ZNF76: variants seen among roughly 807,000 people sequenced by gnomAD.
ZNF76 encodes the protein zinc finger protein 76.
Under a neutral mutation model 66.9 loss-of-function variants are expected in ZNF76, and 66 were observed. That is an observed-to-expected ratio of 0.99 (90% CI 0.81 to 1.21). The LOEUF (loss-of-function observed/expected upper bound fraction) is 1.21. Ranked by LOEUF, ZNF76 falls within the 50% of genes most tolerant of loss-of-function variation. ZNF76 has a pLI of 0.00. For synonymous variants in ZNF76, 275 were observed against 296.1 expected, an observed-to-expected ratio of 0.93 and a Z score of 0.73; for missense variants, 729 against 760.3, an observed-to-expected ratio of 0.96 and a Z score of 0.48.
At chr6:35,260,421 ATCTT>A (rs1354537847) in intron 1 of ZNF76, among the ~76,000 whole-genome samples, 1 of 152,080 alleles carries the variant, frequency 6.6e-6, no homozygotes, top group Non-Finnish European at 1.5e-5. Context: ...AACCCTCAGT[ATCTT>A]TATCCTGTAG....
chr6:35,260,429 C>T (rs1785063581), intron 1 of ZNF76, among the ~76,000 whole-genome samples: 3 of 152,174 alleles, frequency 2.0e-5, no homozygotes, highest in South Asian at 2.1e-4. Context: ...GTATCTTTAT[C>T]CTGTAGCCGT....
In ZNF76 at chr6:35,287,948, G is replaced by C. The variant is rs1442257917; in HGVS notation, c.432+103G>C. ...AGAACTTCACCTCTCAAGAGGACAAGGGCAGCCCTGTGCTTGGGCACCATG... is the reference window on the plus strand; with the variant it reads ...AGAACTTCACCTCTCAAGAGGACAACGGCAGCCCTGTGCTTGGGCACCATG... On this transcript the variant is annotated intron_variant, in intron 5 of 13. Coordinates refer to ENST00000373953, the MANE Select transcript of ZNF76 (RefSeq NM_003427.5). The surrounding 1 kb of genome is among the most constrained non-coding windows in gnomAD (Gnocchi z 4.0). 7.5e-7 allele frequency: 1 copy of C among 1,336,918 alleles called. No individual in the cohort carries two copies. Among genetic ancestry groups the C allele is most frequent in the South Asian group, 1.3e-5 (1 of 79,650 alleles). 82.8% of individuals were successfully genotyped at this position (1,336,918 alleles called of 1,614,324 possible). A position where few individuals can be genotyped will look rare whatever the true frequency, so the allele number is the denominator to read the frequency against.
chr6:35,265,382 C>T (rs1292749343), intron 1 of ZNF76, among the ~76,000 whole-genome samples: 11 of 151,964 alleles, frequency 7.2e-5, no homozygotes, highest in Non-Finnish European at 1.2e-4. Flanking sequence ...TGGCAGGCAC[C>T]TGTAATCCCA....
intron 1 of ZNF76, among the ~76,000 whole-genome samples, chr6:35,269,954 T>C (rs891852810): frequency 7.9e-5 from 12 of 152,206 alleles, no homozygotes; most frequent in African/African-American, 2.9e-4. Flanking sequence ...TTTTCGGATG[T>C]GCTTTTGCTG....
At chr6:35,271,960 C>T (rs1787134312) in intron 1 of ZNF76, among the ~76,000 whole-genome samples, 1 of 150,750 alleles carries the variant, frequency 6.6e-6, no homozygotes, top group Non-Finnish European at 1.5e-5. Context: ...GAAAAATTAG[C>T]TGGGCATGGT....
intron 1 of ZNF76, among the ~76,000 whole-genome samples, chr6:35,267,089 G>T (rs531445235): frequency 8.6e-5 from 13 of 150,724 alleles, no homozygotes; most frequent in African/African-American, 2.9e-4. Context: ...TTGAGCCACT[G>T]CATCCGGCCC....
chr6:35,291,612 C>G lies in ZNF76; in HGVS notation c.806C>G (p.Ser269Cys), dbSNP rs749867454. The G allele has an allele frequency of 2.5e-6, 4 of 1,614,088 alleles. No homozygotes were observed. The highest frequency in any genetic ancestry group is 3.4e-6 in the Non-Finnish European group (4 of 1,179,948). Residue 269 changes from serine (S) to cysteine (C), a missense_variant, in exon 9 of 14, where the codon TCT (serine) becomes TGT (cysteine). Physicochemically the swap from Ser to Cys is moderately radical, Grantham distance 112 (BLOSUM62 -1). Transcript: ENST00000373953. Reference protein sequence around the residue: ...FEGCGRSFTTSNIRKVHVRTH... With the variant: ...FEGCGRSFTTCNIRKVHVRTH... ...GGCTGTGGCCGCTCCTTCACCACAT[C>G]TAACATCCGCAAGGTACATGTGCGC...
chr6:35,262,486 T>A (rs1785401045), intron 1 of ZNF76, among the ~76,000 whole-genome samples: 1 of 152,188 alleles, frequency 6.6e-6, no homozygotes, highest in Admixed American at 6.5e-5. Flanking sequence ...TCCAGCCCTT[T>A]CCCTGTGAAC....
intron 1 of ZNF76, among the ~76,000 whole-genome samples, chr6:35,270,775 T>G (rs1427776257): frequency 6.6e-6 from 1 of 152,146 alleles, no homozygotes; most frequent in Non-Finnish European, 1.5e-5. Flanking sequence ...GCCAGGATGG[T>G]CTAGATCTCT....
At chr6:35,273,114 C>CCACTG (rs1468017015) in intron 1 of ZNF76, among the ~76,000 whole-genome samples, 4 of 151,686 alleles carry the variant, frequency 2.6e-5, no homozygotes, top group Non-Finnish European at 5.9e-5. Context: ...TGAGCTCGCA[C>CCACTG]CACTGCACTC....
At position 35,293,037 on chromosome 6, in the gene ZNF76, C is replaced by T; in HGVS notation, c.1322C>T (p.Ala441Val). Residue 441 changes from alanine to valine, a missense_variant, in exon 11 of 14, where the codon GCC becomes GTC. Transcript: ENST00000373953. ...GTGGCTCTGATCACTCAGGATGGTG[C>T]CCAGCAGGTACAGGCCCTGGAGGGC... ...PQVALITQDG[A>V]QQVSLSPEDL... is the part of the protein sequence containing the mutation. 1 of 1,613,874 alleles carries T rather than the reference C, an allele frequency of 6.2e-7. No individual in the cohort carries two copies. Among genetic ancestry groups the T allele is most frequent in the South Asian group, 1.1e-5 (1 of 91,070 alleles).
intron 1 of ZNF76, among the ~76,000 whole-genome samples, chr6:35,272,758 C>A (rs192576867): frequency 2.0e-5 from 3 of 152,362 alleles, no homozygotes; most frequent in African/African-American, 7.2e-5. Context: ...CCCACTTCAG[C>A]CCCCGAGTAG....
chr6:35,278,202 G>A (rs1428669096), intron 1 of ZNF76, among the ~76,000 whole-genome samples: 1 of 150,750 alleles, frequency 6.6e-6, no homozygotes, highest in East Asian at 2.0e-4. Context: ...GAGTTTCGCT[G>A]TTGTTGCCCA....
chr6:35,262,998 A>G (rs999596991), intron 1 of ZNF76, among the ~76,000 whole-genome samples: 1 of 152,102 alleles, frequency 6.6e-6, no homozygotes, highest in South Asian at 2.1e-4. Context: ...ATTGATTACA[A>G]TATAAATCTC....
intron 1 of ZNF76, among the ~76,000 whole-genome samples, chr6:35,273,521 A>G (rs1013907696): frequency 3.3e-5 from 5 of 151,768 alleles, no homozygotes; most frequent in Admixed American, 1.3e-4. Context: ...AATGGCTCAC[A>G]CCTATAATCC....
chr6:35,292,532 C>G lies in ZNF76; in HGVS notation c.932-22C>G. ...CCTTGCCAGCCCCAGTTCCCACCCC[C>G]CTCACAGCCCAGTGTCCCCAGGGGA... On this transcript the variant is annotated intron_variant, in intron 9 of 13. Coordinates refer to ENST00000373953, the MANE Select transcript of ZNF76 (RefSeq NM_003427.5). The surrounding 1 kb of genome is among the most constrained non-coding windows in gnomAD (Gnocchi z 4.7). 3.1e-6 allele frequency: 5 copies of G among 1,612,250 alleles called. No individual in the cohort carries two copies. The highest frequency in any genetic ancestry group is 4.2e-6 in the Non-Finnish European group (5 of 1,179,240).
chr6:35,278,580 T>G (rs1186802381), intron 1 of ZNF76, among the ~76,000 whole-genome samples: 1 of 152,234 alleles, frequency 6.6e-6, no homozygotes, highest in African/African-American at 2.4e-5. Flanking sequence ...GAAAACAGTT[T>G]GGGTAGCACC....
At chr6:35,262,094 T>C (rs1292633715) in intron 1 of ZNF76, among the ~76,000 whole-genome samples, 1 of 151,946 alleles carries the variant, frequency 6.6e-6, no homozygotes, top group Non-Finnish European at 1.5e-5. Context: ...CTAGATCTGA[T>C]GAAGAGTGGA....
intron 2 of ZNF76, among the ~76,000 whole-genome samples, chr6:35,284,199 C>G (rs1475385675): frequency 6.6e-6 from 1 of 151,504 alleles, no homozygotes; most frequent in African/African-American, 2.4e-5. Context: ...TCAAGCGATT[C>G]TCCTGCCTCA....
Sources: allele counts gnomAD v4.1 joint callset (sites outside exome capture counted in the v4.1 genomes callset), GRCh38; gene constraint gnomAD v4.1.1; non-coding constraint Gnocchi (gnomAD v3.1); transcripts MANE v1.5; gene names NCBI Gene and HGNC (gene_info 2026-07-23, HGNC 2026-07-21).